NCS1: variants seen among roughly 807,000 people sequenced by gnomAD.
NCS1 encodes the protein frequenin homolog.
In NCS1, 6 loss-of-function variants were observed where a neutral mutation model predicts 28.4. The ratio of observed to expected loss-of-function variants is 0.21; its 90% CI spans 0.12 to 0.42. The LOEUF (loss-of-function observed/expected upper bound fraction) is 0.42. NCS1 is among the 10% of genes least tolerant of loss of function. NCS1 has a pLI of 1.00. For missense variants in NCS1, 131 were observed against 241.4 expected (o/e 0.54, Z 3.03); for synonymous variants, 86 against 99.3 (o/e 0.87, Z 0.79).
At chr9:130,187,197 C>T (rs561699521) in intron 1 of NCS1, among the ~76,000 whole-genome samples, 108 of 152,266 alleles carry the variant, frequency 7.1e-4, no homozygotes, top group African/African-American at 2.5e-3. Context: ...CCCAGGGAGG[C>T]ACCGGCAGGT....
Position 130,222,667 on chromosome 9 carries a change from G to C in NCS1, c.325G>C (p.Asp109His), listed in dbSNP as rs1419493020. 6.2e-7 allele frequency: 1 copy of C among 1,613,922 alleles called. No individual in the cohort carries two copies. The highest frequency in any genetic ancestry group is 8.5e-7 in the Non-Finnish European group (1 of 1,179,996). ...EKLRWAFKLYDLDNDGYITRN... is the reference protein window; with the variant it reads ...EKLRWAFKLYHLDNDGYITRN... Reference sequence around the variant, plus strand: ...GCTTACAGGGGCCTTCAAGCTCTACGACTTGGACAATGATGGCTACATCAC... The same window carrying C: ...GCTTACAGGGGCCTTCAAGCTCTACCACTTGGACAATGATGGCTACATCAC... The change falls in exon 5 of 8, where the codon GAC (aspartate) becomes CAC (histidine). Residue 109 changes from aspartate (D) to histidine (H), a missense_variant. This residue lies in a region of NCS1 where 100 missense variants were observed against 210.3 expected (regional missense o/e 0.48). Transcript: ENST00000372398.
rs1554911410 is a variant in NCS1, at chr9:130,226,502, T to G, written c.*15T>G. The G allele has an allele frequency of 1.2e-6, 2 of 1,607,534 alleles. No individual in the cohort carries two copies. Among genetic ancestry groups the G allele is most frequent in the East Asian group, 4.5e-5 (2 of 44,632 alleles). On this transcript the variant is annotated splice_region_variant and 3_prime_UTR_variant, in exon 7 of 8. Transcript: ENST00000372398. The surrounding 1 kb of genome is among the most constrained non-coding windows in gnomAD (Gnocchi z 4.8). ...GGCTGGTATAGTCCCAGGCTGGAGC[T>G]GGGTGAGTGCAGACTCGGGGCCTGG...
Position 130,191,119 on chromosome 9 carries a change from T to C in NCS1, c.65-9839T>C, listed in dbSNP as rs562845380. ...AGTGCTTGTGATGTGTATCCTCTCG[T>C]TGGCCCCTGACAGCGGGGCAGGGAG... On this transcript the variant is annotated intron_variant, in intron 1 of 7. Coordinates refer to ENST00000372398, the MANE Select transcript of NCS1 (RefSeq NM_014286.4). The surrounding 1 kb of genome is among the most constrained non-coding windows in gnomAD (Gnocchi z 6.4). 7.2e-5 allele frequency among the ~76,000 whole-genome samples: 11 copies of C among 152,316 alleles called. No homozygotes were observed. In the East Asian group the frequency reaches 2.1e-3, roughly 29 times the overall value.
intron 1 of NCS1, among the ~76,000 whole-genome samples, chr9:130,189,474 G>T (rs904220779): frequency 2.0e-5 from 3 of 152,144 alleles, no homozygotes; most frequent in African/African-American, 4.8e-5. Context: ...ATCCCTGAGT[G>T]CCGGGGTCGG....
intron 2 of NCS1, among the ~76,000 whole-genome samples, chr9:130,208,226 G>T (rs1554908336): frequency 9.1e-6 from 1 of 109,312 alleles, no homozygotes; most frequent in Non-Finnish European, 1.7e-5. Flanking sequence ...GTGTGAGGTG[G>T]GGGTGGGGGG....
At chr9:130,230,380 T>C (rs1204106444) in intron 7 of NCS1, among the ~76,000 whole-genome samples, 1 of 151,916 alleles carries the variant, frequency 6.6e-6, no homozygotes. Flanking sequence ...TTATCTGTTA[T>C]GGAAACATTC....
chr9:130,227,472 T>G (rs1478100479), intron 7 of NCS1, among the ~76,000 whole-genome samples: 1 of 152,256 alleles, frequency 6.6e-6, no homozygotes, highest in African/African-American at 2.4e-5. Context: ...TGGTAGTTAC[T>G]AGAAAACAGT....
At chr9:130,223,350 A>G (rs1207874118) in intron 6 of NCS1, among the ~76,000 whole-genome samples, 191 bp downstream of exon 6, 2 of 151,252 alleles carry the variant, frequency 1.3e-5, no homozygotes, top group African/African-American at 4.9e-5. Flanking sequence ...CAGTTTGCTC[A>G]GCATGTTTTC....
rs1832554994 is a variant in NCS1 at position 130,175,761 on chromosome 9, CAA to C, written c.64+3036_64+3037del. 6.6e-6 allele frequency among the ~76,000 whole-genome samples: 1 copy of C among 152,224 alleles called. No individual in the cohort carries two copies. Among genetic ancestry groups the C allele is most frequent in the South Asian group, 2.1e-4 (1 of 4,832 alleles). ...GGACACACTGGGATTCCACCTGGCT[CAA>C]ACCCTAACCCAGTCCTCAGCCTTCC... On this transcript the variant is annotated intron_variant, in intron 1 of 7. Coordinates refer to ENST00000372398, the MANE Select transcript of NCS1 (RefSeq NM_014286.4). The surrounding 1 kb of genome is among the most constrained non-coding windows in gnomAD (Gnocchi z 4.9).
At chr9:130,201,054 G>A in intron 2 of NCS1, 72 bp downstream of exon 2, 13 of 1,587,928 alleles carry the variant, frequency 8.2e-6, no homozygotes, top group Non-Finnish European at 1.1e-5. Flanking sequence ...GGCTGATGGG[G>A]ACAGCAGTCC....
intron 2 of NCS1, among the ~76,000 whole-genome samples, chr9:130,211,680 T>C (rs1435660815): frequency 6.6e-6 from 1 of 152,104 alleles, no homozygotes; most frequent in Non-Finnish European, 1.5e-5. Context: ...GAGTATGGGC[T>C]CTGGTCCTGG....
intron 2 of NCS1, among the ~76,000 whole-genome samples, chr9:130,207,276 C>T (rs1833036486): frequency 6.6e-6 from 1 of 152,214 alleles, no homozygotes; most frequent in Admixed American, 6.5e-5. Context: ...CTTCCCGCTG[C>T]ACTTAGAATA....
At chr9:130,212,716 G>A (rs1554908917) in intron 2 of NCS1, among the ~76,000 whole-genome samples, 1 of 151,528 alleles carries the variant, frequency 6.6e-6, no homozygotes, top group Non-Finnish European at 1.5e-5. Context: ...GAACCTGCAG[G>A]AGTGGGGGAT....
rs55712465 is a variant in NCS1 at position 130,222,635 on chromosome 9, G to A, written c.308-15G>A. ...CCCCAGCCCAGGATCACTCAGCAGT[G>A]CTGCTTGCTTACAGGGGCCTTCAAG... On this transcript the variant is annotated splice_polypyrimidine_tract_variant and intron_variant, in intron 4 of 7. Transcript: ENST00000372398. 4 of 1,612,966 alleles carry A rather than the reference G, an allele frequency of 2.5e-6. No homozygotes were observed. Among genetic ancestry groups the A allele is most frequent in the Non-Finnish European group, 3.4e-6 (4 of 1,179,002 alleles).
Position 130,226,265 on chromosome 9 carries a change from G to A in NCS1, c.475-124G>A. 2.5e-6 allele frequency: 2 copies of A among 788,280 alleles called. No homozygotes were observed. Among genetic ancestry groups the A allele is most frequent in the Admixed American group, 2.0e-5 (1 of 50,088 alleles). The allele number at this position is 788,280 out of a possible 1,614,324, so 48.8% of individuals were successfully genotyped here. A position where few individuals can be genotyped will look rare whatever the true frequency, so the allele number is the denominator to read the frequency against. On this transcript the variant is annotated intron_variant, in intron 6 of 7. Transcript: ENST00000372398. The surrounding 1 kb of genome is among the most constrained non-coding windows in gnomAD (Gnocchi z 4.8). ...CTGGTGCTGGCTGCTTGTAGGCCCTGAGCCACGTTGCCTCCCTCCTGATCT... is the reference window on the plus strand; with the variant it reads ...CTGGTGCTGGCTGCTTGTAGGCCCTAAGCCACGTTGCCTCCCTCCTGATCT...
intron 1 of NCS1, among the ~76,000 whole-genome samples, chr9:130,199,614 C>T (rs564030391): frequency 1.3e-5 from 2 of 152,298 alleles, no homozygotes; most frequent in East Asian, 1.9e-4. Context: ...GGAGCTGGGG[C>T]AGAGTTGTGC....
At chr9:130,185,689 A>T (rs1339211766) in intron 1 of NCS1, among the ~76,000 whole-genome samples, 1 of 152,262 alleles carries the variant, frequency 6.6e-6, no homozygotes, top group Non-Finnish European at 1.5e-5. Flanking sequence ...TGGGGGAAAC[A>T]GCGAATGCTT....
chr9:130,221,437 G>GAA (rs1833299387), intron 4 of NCS1, among the ~76,000 whole-genome samples: 1 of 139,464 alleles, frequency 7.2e-6, no homozygotes, highest in Non-Finnish European at 1.6e-5. Context: ...GAGAGAGAGA[G>GAA]AGAGAGAGAG....
intron 7 of NCS1, among the ~76,000 whole-genome samples, chr9:130,228,192 T>C (rs889166232): frequency 6.6e-6 from 1 of 151,050 alleles, no homozygotes; most frequent in Admixed American, 6.6e-5. Flanking sequence ...TTTTCTTTCT[T>C]TTTTTTTTCT....
Sources: allele counts gnomAD v4.1 joint callset (sites outside exome capture counted in the v4.1 genomes callset), GRCh38; gene constraint gnomAD v4.1.1; regional missense constraint gnomAD v4.1.1; non-coding constraint Gnocchi (gnomAD v3.1); transcripts MANE v1.5; gene names NCBI Gene and HGNC (gene_info 2026-07-23, HGNC 2026-07-21).